Variants in FUCA1 observed in about 807,000 individuals in gnomAD.
FUCA1 encodes the protein alpha-L-fucosidase 1, also known as tissue alpha-L-fucosidase.
In FUCA1, 52 loss-of-function variants were observed where a neutral mutation model predicts 56.8. The ratio of observed to expected loss-of-function variants is 0.92; its 90% confidence interval spans 0.73 to 1.15. The LOEUF is 1.15. Among genes scored for constraint, FUCA1 ranks in the 50% most tolerant of loss-of-function variants. FUCA1 has a pLI of 0.00. For synonymous variants in FUCA1, 230 were observed against 226.6 expected, an observed-to-expected ratio of 1.02 and a Z score of -0.14; for missense variants, 568 against 592.6, an observed-to-expected ratio of 0.96 and a Z score of 0.43.
intron 4 of FUCA1, among the ~76,000 whole-genome samples, chr1:23,855,629 A>G (rs1310943066): frequency 6.6e-6 from 1 of 152,222 alleles, no homozygotes; most frequent in Admixed American, 6.5e-5. Flanking sequence ...AGTTTCTCCT[A>G]TGGAAGCTAG....
At chr1:23,850,784 C>A (rs1639238988) in intron 5 of FUCA1, among the ~76,000 whole-genome samples, 1 of 152,060 alleles carries the variant, frequency 6.6e-6, no homozygotes. Flanking sequence ...CCGTGCCTGG[C>A]CACTTATTTT....
Position 23,868,269 on chromosome 1 carries a change from CAT to C in FUCA1, c.16_17del (p.Met6GlufsTer161). MRAPG[M>X]RSRPAGPALL... ...GCGCGGGACCCGCCGGCCGCGACCT[CAT>C]CCCCGGAGCCCGCATCGCTACCCCT... On this transcript the variant is annotated frameshift_variant, in exon 1 of 8. Coordinates refer to ENST00000374479, the MANE Select transcript of FUCA1 (RefSeq NM_000147.5). LOFTEE classifies it high-confidence loss of function. 6.4e-7 allele frequency: 1 copy of C among 1,554,136 alleles called. No homozygotes were observed. Among genetic ancestry groups the C allele is most frequent in the Non-Finnish European group, 8.7e-7 (1 of 1,151,616 alleles).
In FUCA1 at chr1:23,845,320, T is replaced by C. The variant is rs1184896229; in HGVS notation, c.*395A>G. On this transcript the variant is annotated 3_prime_UTR_variant, in exon 8 of 8. Coordinates refer to ENST00000374479, the MANE Select transcript of FUCA1 (RefSeq NM_000147.5). ...TTGGTGACAACTGATGCTAACTAAA[T>C]AGCATGTGGTTGAGCTTGCCAAATC... The C allele has an allele frequency of 3.1e-6, 1 of 319,234 alleles. No individual in the cohort carries two copies. Among genetic ancestry groups the C allele is most frequent in the Non-Finnish European group, 6.0e-6 (1 of 166,040 alleles). 19.8% of individuals were successfully genotyped at this position (319,234 alleles called of 1,614,324 possible).
chr1:23,848,910 A>G, intron 5 of FUCA1, 71 bp from the exon 6 acceptor site: 1 of 1,276,348 alleles, frequency 7.8e-7, no homozygotes, highest in Non-Finnish European at 1.1e-6. Flanking sequence ...AAATAGACAG[A>G]GAAGAAAAAG....
At chr1:23,847,485 G>A (rs138091969) in intron 6 of FUCA1, among the ~76,000 whole-genome samples, 2 of 152,138 alleles carry the variant, frequency 1.3e-5, no homozygotes, top group African/African-American at 4.8e-5. Context: ...ATATGTCGAT[G>A]GTATAGTATT....
Position 23,846,173 on chromosome 1 carries a change from C to G in FUCA1, c.1161G>C (p.Trp387Cys). The G allele has an allele frequency of 5.6e-6, 9 of 1,607,682 alleles. No individual in the cohort carries two copies. The highest frequency in any genetic ancestry group is 7.7e-6 in the Non-Finnish European group (9 of 1,174,318). ...AAACAGCCGATCCCTTTGAGGTATA[C>G]CTGGGAAAACAGAAACAACACTGTC... is the stretch of plus-strand genomic sequence containing the variant. ...VQWEKNTTSV[W>C]YTSKGSAVYA... Residue 387 changes from tryptophan (W) to cysteine (C), a missense_variant and splice_region_variant, in exon 7 of 8, where the codon TGG becomes TGC. Physicochemically the swap from Trp to Cys is radical, Grantham distance 215. Transcript: ENST00000374479.
intron 5 of FUCA1, among the ~76,000 whole-genome samples, chr1:23,853,083 C>T (rs1270375531): frequency 6.7e-6 from 1 of 148,582 alleles, no homozygotes; most frequent in East Asian, 2.0e-4. Flanking sequence ...GCGTCTCTGC[C>T]CGGCCGCCCA....
Position 23,845,335 on chromosome 1 carries a change from C to T in FUCA1, c.*380G>A. On this transcript the variant is annotated 3_prime_UTR_variant, in exon 8 of 8. Coordinates refer to ENST00000374479, the MANE Select transcript of FUCA1 (RefSeq NM_000147.5). ...GCTAACTAAATAGCATGTGGTTGAG[C>T]TTGCCAAATCCTTCCACCTCCTCCC... The T allele has an allele frequency of 3.0e-6, 1 of 330,710 alleles. No homozygotes were observed. Among genetic ancestry groups the T allele is most frequent in the South Asian group, 2.6e-5 (1 of 38,200 alleles). 20.5% of individuals were successfully genotyped at this position (330,710 alleles called of 1,614,324 possible).
intron 4 of FUCA1, among the ~76,000 whole-genome samples, chr1:23,857,702 C>G (rs540745145): frequency 2.4e-4 from 37 of 151,900 alleles, no homozygotes; most frequent in African/African-American, 8.2e-4. Context: ...GAGTCTCGCT[C>G]TGTTGCCCAG....
intron 3 of FUCA1, among the ~76,000 whole-genome samples, chr1:23,862,671 C>T (rs544985855): frequency 1.5e-4 from 23 of 152,246 alleles, no homozygotes; most frequent in African/African-American, 4.1e-4. Context: ...TACCAGGCAC[C>T]GTGACAGATA....
At chr1:23,853,615 A>C (rs1639325038) in intron 5 of FUCA1, among the ~76,000 whole-genome samples, 1 of 151,722 alleles carries the variant, frequency 6.6e-6, no homozygotes, top group Non-Finnish European at 1.5e-5. Flanking sequence ...GTTTTGTGGA[A>C]TAGAAAGGGG....
At chr1:23,861,476 C>T (rs1570686619) in intron 3 of FUCA1, among the ~76,000 whole-genome samples, 1 of 148,808 alleles carries the variant, frequency 6.7e-6, no homozygotes, top group South Asian at 2.1e-4. Flanking sequence ...GCAAAGGAAA[C>T]AAAATGGTGC....
chr1:23,846,866 G>A (rs893710977), intron 6 of FUCA1, among the ~76,000 whole-genome samples: 1 of 152,160 alleles, frequency 6.6e-6, no homozygotes, highest in Non-Finnish European at 1.5e-5. Context: ...ACAGGCGTGA[G>A]TCACTGTTTT....
intron 5 of FUCA1, among the ~76,000 whole-genome samples, chr1:23,850,324 A>AG (rs1639229947): frequency 6.6e-6 from 1 of 151,674 alleles, no homozygotes; most frequent in Non-Finnish European, 1.5e-5. Flanking sequence ...CTCAAAAAAA[A>AG]AAAAAAAAGA....
rs753278432 is a variant in FUCA1 at position 23,845,851 on chromosome 1, G to C, written c.1265C>G (p.Thr422Arg). Reference sequence around the variant, plus strand: ...CAGATCTCCTTGAATTCCCAGCATTGTTATCTGCAGAAAACAAAAGGGAAT... The same window carrying C: ...CAGATCTCCTTGAATTCCCAGCATTCTTATCTGCAGAAAACAAAAGGGAAT... Reference protein sequence around the residue: ...SPITTSTTKITMLGIQGDLKW... With the variant: ...SPITTSTTKIRMLGIQGDLKW... The change falls in exon 8 of 8, where the codon ACA becomes AGA. Residue 422 changes from threonine (T) to arginine (R), a missense_variant. Physicochemically the swap from Thr to Arg is moderately conservative, Grantham distance 71. Transcript: ENST00000374479. 7.4e-6 allele frequency: 12 copies of C among 1,613,944 alleles called. No homozygotes were observed. Among genetic ancestry groups the C allele is most frequent in the African/African-American group, 4.0e-5 (3 of 74,870 alleles).
At chr1:23,854,339 A>G in intron 5 of FUCA1, 21 bp downstream of exon 5, 2 of 1,602,738 alleles carry the variant, frequency 1.2e-6, no homozygotes, top group Non-Finnish European at 1.7e-6. Flanking sequence ...ACAAAAACAA[A>G]AAACTCAAAG....
intron 3 of FUCA1, among the ~76,000 whole-genome samples, chr1:23,860,616 G>A (rs1315718629): frequency 6.7e-6 from 1 of 148,524 alleles, no homozygotes; most frequent in Non-Finnish European, 1.5e-5. Context: ...CAGCATTTTG[G>A]TATATTTCCT....
At position 23,848,650 on chromosome 1, in the gene FUCA1, A is replaced by C. The variant is rs1358757172; in HGVS notation, c.1159T>G (p.Trp387Gly). The C allele has an allele frequency of 1.2e-6, 2 of 1,613,988 alleles. No individual in the cohort carries two copies. Among genetic ancestry groups the C allele is most frequent in the Admixed American group, 1.7e-5 (1 of 59,992 alleles). Residue 387 changes from tryptophan (W) to glycine (G), a missense_variant and splice_region_variant, in exon 6 of 8, where the codon TGG (tryptophan) becomes GGG (glycine). By Grantham distance (184) the Trp-to-Gly change is radical. Transcript: ENST00000374479. ...CACACAACAGAAGACAAGACTCACC[A>C]TACAGATGTTGTGTTCTTTTCCCAT... ...VQWEKNTTSV[W>G]YTSKGSAVYA...
chr1:23,858,100 T>C (rs1485218505), intron 4 of FUCA1, among the ~76,000 whole-genome samples: 1 of 152,024 alleles, frequency 6.6e-6, no homozygotes, highest in East Asian at 1.9e-4. Context: ...AGTCTCACTC[T>C]GTCGCCCAGG....
Sources: allele counts gnomAD v4.1 joint callset (sites outside exome capture counted in the v4.1 genomes callset), GRCh38; gene constraint gnomAD v4.1.1; transcripts MANE v1.5; gene names NCBI Gene and HGNC (gene_info 2026-07-23, HGNC 2026-07-21).